Variants in RSPH14 observed in about 807,000 individuals in gnomAD.
RSPH14 encodes the protein radial spoke head 14 homolog.
In RSPH14, 20 loss-of-function variants were observed where a neutral mutation model predicts 26.7. The observed-to-expected ratio is 0.75, with a 90% CI of 0.53 to 1.09. RSPH14 has a LOEUF of 1.09. RSPH14 is among the 50% of genes least tolerant of loss of function. The pLI is 0.00. For synonymous variants in RSPH14, 177 were observed against 189.3 expected, an observed-to-expected ratio of 0.93 and a Z score of 0.53; for missense variants, 449 against 457.2, an observed-to-expected ratio of 0.98 and a Z score of 0.16.
intron 3 of RSPH14, 96 bp from the exon 4 acceptor site, chr22:23,134,240 C>T (rs2070419579): frequency 1.1e-6 from 1 of 881,614 alleles, no homozygotes; most frequent in African/African-American, 1.7e-5. Flanking sequence ...CTGATCCATG[C>T]TATCTGGGGT....
the RSPH14 span, among the ~76,000 whole-genome samples, chr22:23,171,085 A>G: frequency 1.3e-5 from 2 of 151,990 alleles, no homozygotes; most frequent in African/African-American, 4.8e-5. Context: ...CTCCTGCCTC[A>G]GCCTCCTGAG....
At chr22:23,135,504 A>AAATAAATAAATG (rs2070459544) in intron 3 of RSPH14, among the ~76,000 whole-genome samples, 1 of 150,426 alleles carries the variant, frequency 6.6e-6, no homozygotes, top group Admixed American at 6.6e-5. Flanking sequence ...ATAAGTAAAT[A>AAATAAATAAATG]AATAAATAAA....
intron 4 of RSPH14, chr22:23,123,944 G>T (rs572550856): frequency 2.4e-5 from 5 of 210,940 alleles, no homozygotes; most frequent in East Asian, 2.5e-4. Context: ...TTCCCTGCTG[G>T]CCTGCACACA....
chr22:23,156,241 C>A, the RSPH14 span: 1 of 524,490 alleles, frequency 1.9e-6, no homozygotes, highest in Non-Finnish European at 3.5e-6. Context: ...CCTTTAAGGA[C>A]CCTGTGGTAG....
At chr22:23,060,722 C>T (rs1009794979) in intron 6 of RSPH14, among the ~76,000 whole-genome samples, 9 of 152,134 alleles carry the variant, frequency 5.9e-5, no homozygotes, top group Admixed American at 2.6e-4. Flanking sequence ...TTCCCAGAGG[C>T]GACTTGTCCC....
intron 4 of RSPH14, among the ~76,000 whole-genome samples, chr22:23,097,658 C>A (rs549023640): frequency 1.8e-4 from 28 of 152,378 alleles, no homozygotes; most frequent in African/African-American, 6.7e-4. Context: ...TGGCCCCTTA[C>A]CCTGTGGTTG....
intron 4 of RSPH14, among the ~76,000 whole-genome samples, chr22:23,069,448 G>A (rs1273129533): frequency 1.3e-5 from 2 of 152,218 alleles, no homozygotes; most frequent in Admixed American, 6.5e-5. Context: ...AGGGACTCCT[G>A]GCCCTGAGGT....
chr22:23,177,815 T>A, the RSPH14 span, among the ~76,000 whole-genome samples: 1 of 152,186 alleles, frequency 6.6e-6, no homozygotes, highest in African/African-American at 2.4e-5. Flanking sequence ...AGAGTTTACT[T>A]AGAGACAGGG....
the RSPH14 span, among the ~76,000 whole-genome samples, chr22:23,171,161 T>A: frequency 6.6e-6 from 1 of 151,838 alleles, no homozygotes; most frequent in African/African-American, 2.4e-5. Context: ...AGAGACAAGG[T>A]TTCACCATGT....
At chr22:23,158,687 C>A in the RSPH14 span, among the ~76,000 whole-genome samples, 2 of 152,208 alleles carry the variant, frequency 1.3e-5, no homozygotes, top group African/African-American at 4.8e-5. Flanking sequence ...CCACCTCCAG[C>A]CAGTGCTCTG....
chr22:23,161,079 G>C, the RSPH14 span: 1 of 1,489,338 alleles, frequency 6.7e-7, no homozygotes, highest in East Asian at 2.3e-5. Context: ...GTCACCTGAG[G>C]CCTTGCCATT....
At chr22:23,136,078 C>G (rs1458518475) in intron 3 of RSPH14, 1 of 465,062 alleles carries the variant, frequency 2.2e-6, no homozygotes, top group Non-Finnish European at 3.9e-6. Context: ...ACACAAGTTG[C>G]AGGGGTCTTC....
Position 23,068,154 on chromosome 22 carries a change from G to A in RSPH14, c.422-4021C>T, listed in dbSNP as rs140585940. Among the ~76,000 whole-genome samples, 694 of 152,310 alleles carry A rather than the reference G, an allele frequency of 4.6e-3. 9 individuals carry two copies. Among genetic ancestry groups the A allele is most frequent in the African/African-American group, 0.015 (636 of 41,548 alleles). On this transcript the variant is annotated intron_variant, in intron 4 of 6. Coordinates refer to ENST00000216036, the MANE Select transcript of RSPH14 (RefSeq NM_014433.3). ...CACTGGTCTTCTCTGGGTTCTTCCT[G>A]GCCTCGTGCTCCTTCATGTCCTGCA...
chr22:23,160,871 GC>G, the RSPH14 span: 1 of 1,612,374 alleles, frequency 6.2e-7, no homozygotes, highest in Non-Finnish European at 8.5e-7. Context: ...TGTCTTGTGG[GC>G]CCACAGGCGA....
At chr22:23,103,171 C>T (rs1415634071) in intron 4 of RSPH14, among the ~76,000 whole-genome samples, 1 of 152,186 alleles carries the variant, frequency 6.6e-6, no homozygotes, top group African/African-American at 2.4e-5. Context: ...GCTAATTTTT[C>T]AATTTTCAGG....
At chr22:23,126,964 C>T (rs1044929851) in intron 4 of RSPH14, among the ~76,000 whole-genome samples, 2 of 152,232 alleles carry the variant, frequency 1.3e-5, no homozygotes, top group Non-Finnish European at 2.9e-5. Flanking sequence ...GGGGGGCACA[C>T]TCATGGGAGG....
rs779601598 is a variant in RSPH14 at position 23,095,869 on chromosome 22, C to T, written c.422-31736G>A. Reference sequence around the variant, plus strand: ...TCAAACAGATGAAGATCATCCACAGCGGCGGCTTCAACCTGGAGGCCTGCA... The same window carrying T: ...TCAAACAGATGAAGATCATCCACAGTGGCGGCTTCAACCTGGAGGCCTGCA... On this transcript the variant is annotated intron_variant, in intron 4 of 6. Transcript: ENST00000216036. The T allele has an allele frequency of 1.4e-5, 23 of 1,613,574 alleles. No individual in the cohort carries two copies. The Admixed American group carries it at 1.8e-4, about 13-fold the overall frequency.
intron 2 of RSPH14, 79 bp from the exon 3 acceptor site, chr22:23,139,021 T>C (rs1437290633): frequency 1.8e-6 from 2 of 1,129,670 alleles, no homozygotes; most frequent in African/African-American, 1.6e-5. Context: ...CAGAAGTCAA[T>C]AAGTGGGCCA....
chr22:23,163,959 T>C, the RSPH14 span: 4 of 152,398 alleles, frequency 2.6e-5, no homozygotes, highest in Middle Eastern at 0.01. Flanking sequence ...CCGCGGGCCA[T>C]CCGGCTTGTG....
Sources: gnomAD v4.1 joint callset for allele counts (sites outside exome capture counted in the v4.1 genomes callset) on GRCh38, gnomAD v4.1.1 for gene constraint, MANE v1.5 for transcripts, NCBI Gene and HGNC (gene_info 2026-07-23, HGNC 2026-07-21) for gene names.